Variants in MISP3 observed in about 807,000 individuals in gnomAD.
The protein encoded by MISP3 is uncharacterized protein MISP3.
In MISP3, 9 loss-of-function variants were observed where a neutral mutation model predicts 5.5. The observed-to-expected ratio is 1.65, with a 90% confidence interval of 0.99 to 2.87. The LOEUF (loss-of-function observed/expected upper bound fraction) is 2.87, where lower values mean the gene tolerates loss of function less well. Ranked by LOEUF, MISP3 falls within the 30% of genes most tolerant of loss-of-function variation. MISP3 has a pLI of 0.00. For missense variants in MISP3, 152 were observed against 84.1 expected (o/e 1.81, Z -3.16); for synonymous variants, 87 against 38.1 (o/e 2.28, Z -4.73).
In MISP3 at chr19:14,074,600, G is replaced by A; in HGVS notation, c.643-106G>A. On this transcript the variant is annotated intron_variant, in intron 2 of 2. Coordinates refer to ENST00000587086, the MANE Select transcript of MISP3 (RefSeq NM_001291291.2). This position sits in a 1 kb window ranked among gnomAD's most constrained non-coding sequence, Gnocchi z 4.4. ...AGAACTCAGTCTGGGACGCATCCCC[G>A]GGGTGAAGAGGAGACGGTGGTCTTG... is the stretch of plus-strand genomic sequence containing the variant. The A allele has an allele frequency of 5.8e-6, 4 of 684,812 alleles. No individual in the cohort carries two copies. Among genetic ancestry groups the A allele is most frequent in the South Asian group, 4.5e-5 (3 of 67,186 alleles). 42.4% of individuals were successfully genotyped at this position (684,812 alleles called of 1,614,324 possible).
Position 14,073,622 on chromosome 19 carries a change from G to A in MISP3, c.313G>A (p.Ala105Thr). Residue 105 changes from alanine to threonine, a missense_variant, in exon 1 of 3, where the codon GCC (alanine) becomes ACC (threonine). Physicochemically the swap from Ala to Thr is moderately conservative, Grantham distance 58. Transcript: ENST00000587086. This position sits in a 1 kb window ranked among gnomAD's most constrained non-coding sequence, Gnocchi z 8.5. ...PLGELKRFFEAAAGSGSSAGA... is the reference protein window; with the variant it reads ...PLGELKRFFETAAGSGSSAGA... Reference sequence around the variant, plus strand: ...GGGCGAACTCAAGCGCTTCTTCGAGGCCGCGGCGGGGAGCGGCTCCTCGGC... The same window carrying A: ...GGGCGAACTCAAGCGCTTCTTCGAGACCGCGGCGGGGAGCGGCTCCTCGGC... The A allele has an allele frequency of 2.9e-6, 1 of 344,474 alleles. No individual in the cohort carries two copies. 21.3% of individuals were successfully genotyped at this position (344,474 alleles called of 1,614,324 possible). A position where few individuals can be genotyped will look rare whatever the true frequency, so the allele number is the denominator to read the frequency against.
chr19:14,073,589 C>G lies in MISP3; in HGVS notation c.280C>G (p.Gln94Glu). 1 of 297,448 alleles carries G rather than the reference C, an allele frequency of 3.4e-6. No individual in the cohort carries two copies. Among genetic ancestry groups the G allele is most frequent in the Non-Finnish European group, 6.2e-6 (1 of 161,916 alleles). 18.4% of individuals were successfully genotyped at this position (297,448 alleles called of 1,614,324 possible). A position where few individuals can be genotyped will look rare whatever the true frequency, so the allele number is the denominator to read the frequency against. Residue 94 changes from glutamine to glutamate, a missense_variant, in exon 1 of 3, where the codon CAG (glutamine) becomes GAG (glutamate). Gln to Glu is a conservative substitution (Grantham distance 29, BLOSUM62 2). Transcript: ENST00000587086. The surrounding 1 kb of genome is among the most constrained non-coding windows in gnomAD (Gnocchi z 8.5). ...VPEPRARSPP[Q>E]PLGELKRFFE... ...CGAGCCGCGCGCCCGGTCGCCGCCG[C>G]AGCCGCTGGGCGAACTCAAGCGCTT...
Position 14,073,831 on chromosome 19 carries a change from C to T in MISP3, c.522C>T (p.Ser174=), listed in dbSNP as rs1321693119. The part of the protein sequence containing the change: ...REQELQRQRR[S]VYGTAEFKEP... ...AGGAACTGCAGCGCCAGCGGCGCAG[C>T]GTCTATGGCACCGCGGAGTTCAAGG... Residue 174 remains serine (S), a synonymous_variant, in exon 1 of 3, where the codon AGC becomes AGT. Transcript: ENST00000587086. The surrounding 1 kb of genome is among the most constrained non-coding windows in gnomAD (Gnocchi z 8.5). 2.8e-6 allele frequency: 2 copies of T among 701,952 alleles called. No individual in the cohort carries two copies. Among genetic ancestry groups the T allele is most frequent in the East Asian group, 2.7e-5 (1 of 37,228 alleles). The allele number at this position is 701,952 out of a possible 1,614,324, so 43.5% of individuals were successfully genotyped here. A position where few individuals can be genotyped will look rare whatever the true frequency, so the allele number is the denominator to read the frequency against.
chr19:14,073,802 G>A lies in MISP3; in HGVS notation c.493G>A (p.Glu165Lys). Residue 165 changes from glutamate (E) to lysine (K), a missense_variant, in exon 1 of 3, where the codon GAG (glutamate) becomes AAG (lysine). Glu to Lys is a moderately conservative substitution (Grantham distance 56). Transcript: ENST00000587086. The surrounding 1 kb of genome is among the most constrained non-coding windows in gnomAD (Gnocchi z 8.5). ...EQEVRAVRER[E>K]QELQRQRRSV... is the part of the protein sequence containing the mutation. ...GGAGGTGCGCGCCGTGCGCGAGCGC[G>A]AGCAGGAACTGCAGCGCCAGCGGCG... is the stretch of plus-strand genomic sequence containing the variant. 1 of 701,440 alleles carries A rather than the reference G, an allele frequency of 1.4e-6. No individual in the cohort carries two copies. The allele number at this position is 701,440 out of a possible 1,614,324, so 43.5% of individuals were successfully genotyped here.
At position 14,072,857 on chromosome 19, in the gene MISP3, C is replaced by A; in HGVS notation, c.-453C>A. ...CTGTCCTCGCTCTGGGAATCAAAAC[C>A]CCGGTTGGGAACTGAGGCTTCCGAA... On this transcript the variant is annotated 5_prime_UTR_variant, in exon 1 of 3. Coordinates refer to ENST00000587086, the MANE Select transcript of MISP3 (RefSeq NM_001291291.2). This position sits in a 1 kb window ranked among gnomAD's most constrained non-coding sequence, Gnocchi z 6.8. The A allele has an allele frequency of 2.6e-6, 1 of 387,694 alleles. No individual in the cohort carries two copies. Among genetic ancestry groups the A allele is most frequent in the Non-Finnish European group, 5.1e-6 (1 of 196,846 alleles). 24.0% of individuals were successfully genotyped at this position (387,694 alleles called of 1,614,324 possible). A position where few individuals can be genotyped will look rare whatever the true frequency, so the allele number is the denominator to read the frequency against.
In MISP3 at chr19:14,074,255, TCCTGGGTG is replaced by T; in HGVS notation, c.569-129_569-122del. 1 of 617,390 alleles carries T rather than the reference TCCTGGGTG, an allele frequency of 1.6e-6. No homozygotes were observed. The highest frequency in any genetic ancestry group is 2.9e-6 in the Non-Finnish European group (1 of 343,146). The allele number at this position is 617,390 out of a possible 1,614,324, so 38.2% of individuals were successfully genotyped here. A position where few individuals can be genotyped will look rare whatever the true frequency, so the allele number is the denominator to read the frequency against. On this transcript the variant is annotated intron_variant, in intron 1 of 2. Transcript: ENST00000587086. The surrounding 1 kb of genome is among the most constrained non-coding windows in gnomAD (Gnocchi z 4.4). ...GGTTCACCTCCCTCCTCCCTCGGGT[TCCTGGGTG>T]CCTGGAGTTGAATGGAGGCTTTCAT...
Position 14,073,807 on chromosome 19 carries a change from G to A in MISP3, c.498G>A (p.Gln166=), listed in dbSNP as rs1976635892. The A allele has an allele frequency of 4.3e-6, 3 of 701,682 alleles. No homozygotes were observed. The highest frequency in any genetic ancestry group is 7.8e-6 in the Non-Finnish European group (3 of 384,456). The allele number at this position is 701,682 out of a possible 1,614,324, so 43.5% of individuals were successfully genotyped here. ...TGCGCGCCGTGCGCGAGCGCGAGCA[G>A]GAACTGCAGCGCCAGCGGCGCAGCG... is the stretch of plus-strand genomic sequence containing the variant. ...QEVRAVRERE[Q]ELQRQRRSVY... The change falls in exon 1 of 3, where the codon CAG becomes CAA. Residue 166 remains glutamine (Q), a synonymous_variant. Coordinates refer to ENST00000587086, the MANE Select transcript of MISP3 (RefSeq NM_001291291.2). This position sits in a 1 kb window ranked among gnomAD's most constrained non-coding sequence, Gnocchi z 8.5.
chr19:14,073,058 G>T lies in MISP3; in HGVS notation c.-252G>T, dbSNP rs1433127120. The T allele has an allele frequency of 3.4e-6, 2 of 585,744 alleles. No individual in the cohort carries two copies. Among genetic ancestry groups the T allele is most frequent in the Non-Finnish European group, 6.4e-6 (2 of 310,318 alleles). 36.3% of individuals were successfully genotyped at this position (585,744 alleles called of 1,614,324 possible). On this transcript the variant is annotated 5_prime_UTR_variant, in exon 1 of 3. Coordinates refer to ENST00000587086, the MANE Select transcript of MISP3 (RefSeq NM_001291291.2). This position sits in a 1 kb window ranked among gnomAD's most constrained non-coding sequence, Gnocchi z 8.5. ...AAAGGACGTGGAGATCCTGGAGCAAGAGAGCGAAGTCCTCGAGCCATCAGT... is the reference window on the plus strand; with the variant it reads ...AAAGGACGTGGAGATCCTGGAGCAATAGAGCGAAGTCCTCGAGCCATCAGT...
Position 14,073,481 on chromosome 19 carries a change from C to A in MISP3, c.172C>A (p.Arg58=). 5.0e-6 allele frequency: 2 copies of A among 404,032 alleles called. No individual in the cohort carries two copies. Among genetic ancestry groups the A allele is most frequent in the East Asian group, 8.1e-5 (2 of 24,838 alleles). The allele number at this position is 404,032 out of a possible 1,614,324, so 25.0% of individuals were successfully genotyped here. ...CCCCGCGCTCCCGCGCGCCCTGGAG[C>A]GGGCGCGGGCGGGCGCGCAGATGCA... ...PGPALPRALE[R]ARAGAQMQRD... The change falls in exon 1 of 3, where the codon CGG becomes AGG. Residue 58 remains arginine (R), a synonymous_variant. Transcript: ENST00000587086. This position sits in a 1 kb window ranked among gnomAD's most constrained non-coding sequence, Gnocchi z 8.5.
At position 14,074,568 on chromosome 19, in the gene MISP3, T is replaced by A. The variant is rs1976658412; in HGVS notation, c.642+105T>A. 2 of 683,188 alleles carry A rather than the reference T, an allele frequency of 2.9e-6. No homozygotes were observed. The highest frequency in any genetic ancestry group is 5.4e-6 in the Non-Finnish European group (2 of 371,014). 42.3% of individuals were successfully genotyped at this position (683,188 alleles called of 1,614,324 possible). A position where few individuals can be genotyped will look rare whatever the true frequency, so the allele number is the denominator to read the frequency against. On this transcript the variant is annotated intron_variant, in intron 2 of 2. Transcript: ENST00000587086. The surrounding 1 kb of genome is among the most constrained non-coding windows in gnomAD (Gnocchi z 4.4). ...AAGTGCATCCTCCCTGGAGGGCCACTCTGGTCAGAACTCAGTCTGGGACGC... is the reference window on the plus strand; with the variant it reads ...AAGTGCATCCTCCCTGGAGGGCCACACTGGTCAGAACTCAGTCTGGGACGC...
In MISP3 at chr19:14,074,783, G is replaced by C; in HGVS notation, c.*60G>C. ...ACGTACGCGTCAGAGGAACAGGGCG[G>C]GGGGCGTCTAGCATTAGGCCTGGAG... On this transcript the variant is annotated 3_prime_UTR_variant, in exon 3 of 3. Transcript: ENST00000587086. This position sits in a 1 kb window ranked among gnomAD's most constrained non-coding sequence, Gnocchi z 4.4. 1 of 695,824 alleles carries C rather than the reference G, an allele frequency of 1.4e-6. No individual in the cohort carries two copies. The highest frequency in any genetic ancestry group is 2.0e-5 in the Admixed American group (1 of 49,896). The allele number at this position is 695,824 out of a possible 1,614,324, so 43.1% of individuals were successfully genotyped here.
Position 14,074,522 on chromosome 19 carries a change from G to A in MISP3, c.642+59G>A, listed in dbSNP as rs1976657615. 2.9e-6 allele frequency: 2 copies of A among 685,606 alleles called. No individual in the cohort carries two copies. Among genetic ancestry groups the A allele is most frequent in the Non-Finnish European group, 5.3e-6 (2 of 374,270 alleles). The allele number at this position is 685,606 out of a possible 1,614,324, so 42.5% of individuals were successfully genotyped here. On this transcript the variant is annotated intron_variant, in intron 2 of 2. Transcript: ENST00000587086. This position sits in a 1 kb window ranked among gnomAD's most constrained non-coding sequence, Gnocchi z 4.4. ...TTGTCGGTCCCCCCACCCCTCCGGT[G>A]CCAGGACGCTTGGTGGGGAAAAGTG...
At position 14,074,789 on chromosome 19, in the gene MISP3, G is replaced by A. The variant is rs1355290253; in HGVS notation, c.*66G>A. On this transcript the variant is annotated 3_prime_UTR_variant, in exon 3 of 3. Coordinates refer to ENST00000587086, the MANE Select transcript of MISP3 (RefSeq NM_001291291.2). This position sits in a 1 kb window ranked among gnomAD's most constrained non-coding sequence, Gnocchi z 4.4. ...GCGTCAGAGGAACAGGGCGGGGGGC[G>A]TCTAGCATTAGGCCTGGAGAAGGGT... The A allele has an allele frequency of 1.0e-5, 7 of 692,268 alleles. No homozygotes were observed. Among genetic ancestry groups the A allele is most frequent in the Non-Finnish European group, 1.9e-5 (7 of 376,168 alleles). The allele number at this position is 692,268 out of a possible 1,614,324, so 42.9% of individuals were successfully genotyped here. A position where few individuals can be genotyped will look rare whatever the true frequency, so the allele number is the denominator to read the frequency against.
At position 14,073,264 on chromosome 19, in the gene MISP3, T is replaced by G. The variant is rs1599316990; in HGVS notation, c.-46T>G. Reference sequence around the variant, plus strand: ...GCTCGGAAGCCCCCCACCTGCGTTTTCCGCCGTGCCCCGAGGCTCCCCAGC... The same window carrying G: ...GCTCGGAAGCCCCCCACCTGCGTTTGCCGCCGTGCCCCGAGGCTCCCCAGC... On this transcript the variant is annotated 5_prime_UTR_variant, in exon 1 of 3. Transcript: ENST00000587086. This position sits in a 1 kb window ranked among gnomAD's most constrained non-coding sequence, Gnocchi z 8.5. 1.5e-6 allele frequency: 1 copy of G among 687,838 alleles called. No individual in the cohort carries two copies. Among genetic ancestry groups the G allele is most frequent in the Non-Finnish European group, 2.7e-6 (1 of 375,334 alleles). The allele number at this position is 687,838 out of a possible 1,614,324, so 42.6% of individuals were successfully genotyped here. A position where few individuals can be genotyped will look rare whatever the true frequency, so the allele number is the denominator to read the frequency against.
chr19:14,074,894 C>T lies in MISP3; in HGVS notation c.*171C>T. 1.6e-6 allele frequency: 1 copy of T among 608,464 alleles called. No individual in the cohort carries two copies. Among genetic ancestry groups the T allele is most frequent in the Non-Finnish European group, 3.0e-6 (1 of 331,594 alleles). 37.7% of individuals were successfully genotyped at this position (608,464 alleles called of 1,614,324 possible). A position where few individuals can be genotyped will look rare whatever the true frequency, so the allele number is the denominator to read the frequency against. On this transcript the variant is annotated 3_prime_UTR_variant, in exon 3 of 3. Coordinates refer to ENST00000587086, the MANE Select transcript of MISP3 (RefSeq NM_001291291.2). The surrounding 1 kb of genome is among the most constrained non-coding windows in gnomAD (Gnocchi z 4.4). Reference sequence around the variant, plus strand: ...CCCCCTCTATAAAACTTACAGTCCCCCATTGGGAAACTGACCACCACCCAC... The same window carrying T: ...CCCCCTCTATAAAACTTACAGTCCCTCATTGGGAAACTGACCACCACCCAC...
In MISP3 at chr19:14,073,372, G is replaced by C. The variant is rs1423199037; in HGVS notation, c.63G>C (p.Arg21=). ...RSCEREESLR[R]SRGLSPGRAG... ...GCGAACGCGAGGAGAGCCTGCGCCG[G>C]AGCCGGGGCCTGAGCCCGGGCCGCG... is the stretch of plus-strand genomic sequence containing the variant. The change falls in exon 1 of 3, where the codon CGG becomes CGC. Residue 21 remains arginine (R), a synonymous_variant. Coordinates refer to ENST00000587086, the MANE Select transcript of MISP3 (RefSeq NM_001291291.2). The surrounding 1 kb of genome is among the most constrained non-coding windows in gnomAD (Gnocchi z 8.5). 1.4e-6 allele frequency: 1 copy of C among 698,434 alleles called. No individual in the cohort carries two copies. The allele number at this position is 698,434 out of a possible 1,614,324, so 43.3% of individuals were successfully genotyped here.
rs554467018 is a variant in MISP3 at position 14,074,432 on chromosome 19, G to A, written c.611G>A (p.Arg204His). The A allele has an allele frequency of 6.0e-4, 422 of 702,786 alleles. No individual in the cohort carries two copies. The highest frequency in any genetic ancestry group is 9.9e-4 in the Non-Finnish European group (383 of 384,954). The allele number at this position is 702,786 out of a possible 1,614,324, so 43.5% of individuals were successfully genotyped here. Reference sequence around the variant, plus strand: ...AAGTTGGTGGTGATCTGGCCCCCCCGCAGAAAGGTCTCGGAGAACGGCCTG... The same window carrying A: ...AAGTTGGTGGTGATCTGGCCCCCCCACAGAAAGGTCTCGGAGAACGGCCTG... ...DGKLVVIWPP[R>H]RKVSENGLEQ... is the part of the protein sequence containing the mutation. The change falls in exon 2 of 3, where the codon CGC (arginine) becomes CAC (histidine). Residue 204 changes from arginine (R) to histidine (H), a missense_variant. Transcript: ENST00000587086. This position sits in a 1 kb window ranked among gnomAD's most constrained non-coding sequence, Gnocchi z 4.4.
In MISP3 at chr19:14,074,615, C is replaced by G. The variant is rs1229658538; in HGVS notation, c.643-91C>G. 3 of 689,238 alleles carry G rather than the reference C, an allele frequency of 4.4e-6. No individual in the cohort carries two copies. The highest frequency in any genetic ancestry group is 8.0e-6 in the Non-Finnish European group (3 of 373,804). 42.7% of individuals were successfully genotyped at this position (689,238 alleles called of 1,614,324 possible). A position where few individuals can be genotyped will look rare whatever the true frequency, so the allele number is the denominator to read the frequency against. ...ACGCATCCCCGGGGTGAAGAGGAGA[C>G]GGTGGTCTTGAGGCCCAAACCGCCA... is the stretch of plus-strand genomic sequence containing the variant. On this transcript the variant is annotated intron_variant, in intron 2 of 2. Coordinates refer to ENST00000587086, the MANE Select transcript of MISP3 (RefSeq NM_001291291.2). The surrounding 1 kb of genome is among the most constrained non-coding windows in gnomAD (Gnocchi z 4.4).
At position 14,073,871 on chromosome 19, in the gene MISP3, C is replaced by T. The variant is rs1023297015; in HGVS notation, c.562C>T (p.Leu188Phe). The T allele has an allele frequency of 7.1e-6, 5 of 700,662 alleles. No individual in the cohort carries two copies. Among genetic ancestry groups the T allele is most frequent in the Non-Finnish European group, 1.3e-5 (5 of 384,242 alleles). 43.4% of individuals were successfully genotyped at this position (700,662 alleles called of 1,614,324 possible). A position where few individuals can be genotyped will look rare whatever the true frequency, so the allele number is the denominator to read the frequency against. Residue 188 changes from leucine (L) to phenylalanine (F), a missense_variant, in exon 1 of 3, where the codon CTC becomes TTC. Physicochemically the swap from Leu to Phe is conservative, Grantham distance 22. Coordinates refer to ENST00000587086, the MANE Select transcript of MISP3 (RefSeq NM_001291291.2). The surrounding 1 kb of genome is among the most constrained non-coding windows in gnomAD (Gnocchi z 8.5). ...GGAGTTCAAGGAGCCTACGCCGAGC[C>T]TCACCGGTAAGCCGCGGGCGTAGCA... ...TAEFKEPTPS[L>F]TASRGDGKLV...
Sources: allele counts gnomAD v4.1 joint callset, GRCh38; gene constraint gnomAD v4.1.1; non-coding constraint Gnocchi (gnomAD v3.1); transcripts MANE v1.5; gene names NCBI Gene and HGNC (gene_info 2026-07-23, HGNC 2026-07-21).